The following C12orf42 variants were observed in gnomAD, a reference collection of about 807,000 sequenced individuals.
C12orf42 encodes the protein chromosome 12 open reading frame 42.
Under a neutral mutation model 21.6 loss-of-function variants are expected in C12orf42, and 25 were observed. That is an observed-to-expected ratio of 1.16 (90% CI 0.84 to 1.62). C12orf42 has a LOEUF of 1.62. C12orf42 is among the 40% of genes most tolerant of loss of function. C12orf42 has a pLI of 0.00. For synonymous variants in C12orf42, 174 were observed against 175.0 expected (o/e 0.99, Z 0.05); for missense variants, 483 against 459.3 (o/e 1.05, Z -0.47).
intron 10 of C12orf42, among the ~76,000 whole-genome samples, chr12:103,256,302 C>A: frequency 6.6e-6 from 1 of 150,640 alleles, no homozygotes; most frequent in African/African-American, 2.4e-5. Context: ...ACTTTCCAAT[C>A]TTTTTGAATC....
chr12:103,437,910 G>A (rs1950871416), intron 2 of C12orf42, among the ~76,000 whole-genome samples: 1 of 146,846 alleles, frequency 6.8e-6, no homozygotes, highest in Non-Finnish European at 1.5e-5. Flanking sequence ...ATTTTATGAG[G>A]CCAGCATCAT....
chr12:103,193,266 C>A, the C12orf42 span, among the ~76,000 whole-genome samples: 2 of 150,700 alleles, frequency 1.3e-5, no homozygotes, highest in Non-Finnish European at 1.5e-5. Flanking sequence ...TAGTGATAAG[C>A]ACCTATATTT....
At position 103,485,843 on chromosome 12, in the gene C12orf42, A is replaced by G. The variant is rs185513823; in HGVS notation, c.-21-7396T>C. 3.5e-3 allele frequency among the ~76,000 whole-genome samples: 538 copies of G among 152,314 alleles called. 6 individuals carry two copies. Among genetic ancestry groups the G allele is most frequent in the African/African-American group, 0.012 (504 of 41,570 alleles). ...GTTTTGTATCCTGAGACTTTGCTGA[A>G]GTTGCTTATCAGCTTAAGGAGACTT... On this transcript the variant is annotated intron_variant, in intron 1 of 5. Transcript: ENST00000548883.
At chr12:103,207,471 C>G in the C12orf42 span, among the ~76,000 whole-genome samples, 1 of 152,220 alleles carries the variant, frequency 6.6e-6, no homozygotes, top group African/African-American at 2.4e-5. Context: ...CAGATGTGCT[C>G]ACATTCATGG....
chr12:103,529,998 G>T, the C12orf42 span, among the ~76,000 whole-genome samples: 1 of 152,118 alleles, frequency 6.6e-6, no homozygotes, highest in Non-Finnish European at 1.5e-5. Flanking sequence ...TCTTCATTTT[G>T]CTTTAGTCAA....
the C12orf42 span, among the ~76,000 whole-genome samples, chr12:103,109,788 T>C: frequency 6.6e-6 from 1 of 151,730 alleles, no homozygotes; most frequent in African/African-American, 2.4e-5. Context: ...AATGAAAAGA[T>C]TAAAGACAAT....
intron 4 of C12orf42, among the ~76,000 whole-genome samples, chr12:103,323,526 T>C (rs117422369): frequency 1.3e-5 from 2 of 152,096 alleles, no homozygotes; most frequent in Non-Finnish European, 2.9e-5. Context: ...AATTAGCAGA[T>C]CAAGACTGTG....
chr12:103,197,070 G>A, the C12orf42 span, among the ~76,000 whole-genome samples: 1 of 152,118 alleles, frequency 6.6e-6, no homozygotes, highest in East Asian at 1.9e-4. Context: ...TCATTTCTGT[G>A]TTTAGCATTC....
the C12orf42 span, among the ~76,000 whole-genome samples, chr12:103,052,431 T>C: frequency 5.1e-3 from 775 of 152,272 alleles, 3 homozygotes; most frequent in Non-Finnish European, 8.4e-3. Flanking sequence ...ACTAGTGATG[T>C]TTAATAGCTT....
At chr12:103,065,122 G>T in the C12orf42 span, among the ~76,000 whole-genome samples, 6 of 152,188 alleles carry the variant, frequency 3.9e-5, no homozygotes, top group Admixed American at 1.3e-4. Flanking sequence ...TCCCTGGAGG[G>T]ATTGCAGAGA....
the C12orf42 span, among the ~76,000 whole-genome samples, chr12:103,226,619 G>A: frequency 1.5e-4 from 23 of 152,238 alleles, no homozygotes; most frequent in Middle Eastern, 3.4e-3. Flanking sequence ...GGCTAGTCAC[G>A]GAAAGAAACT....
chr12:103,295,054 GATA>G (rs372597889), intron 4 of C12orf42, among the ~76,000 whole-genome samples: 4 of 152,188 alleles, frequency 2.6e-5, no homozygotes, highest in Non-Finnish European at 5.9e-5. Context: ...GCTTGCTAAG[GATA>G]ATGGCCTCCA....
At chr12:103,444,653 G>A (rs186840801) in intron 2 of C12orf42, among the ~76,000 whole-genome samples, 285 of 152,122 alleles carry the variant, frequency 1.9e-3, no homozygotes, top group Middle Eastern at 3.4e-3. Context: ...TCTGAAAGAT[G>A]TGTCTTGAAA....
the C12orf42 span, among the ~76,000 whole-genome samples, chr12:103,155,908 C>T: frequency 6.6e-6 from 1 of 150,596 alleles, no homozygotes; most frequent in African/African-American, 2.4e-5. Flanking sequence ...TCCTTTGAAA[C>T]AAGTTGTGCC....
the C12orf42 span, among the ~76,000 whole-genome samples, chr12:103,055,097 G>A: frequency 3.7e-3 from 558 of 151,992 alleles, 4 homozygotes; most frequent in Non-Finnish European, 5.7e-3. Context: ...AGTTAGAAAA[G>A]CATTCCTTTC....
At chr12:103,508,224 T>G in the C12orf42 span, among the ~76,000 whole-genome samples, 1 of 152,150 alleles carries the variant, frequency 6.6e-6, no homozygotes, top group African/African-American at 2.4e-5. Flanking sequence ...GGTTAAAACA[T>G]TTAAAGGTTG....
the C12orf42 span, among the ~76,000 whole-genome samples, chr12:103,109,911 G>C: frequency 2.0e-5 from 3 of 152,226 alleles, no homozygotes; most frequent in African/African-American, 7.2e-5. Context: ...AATTCACAGA[G>C]AGGGAGTCAA....
intron 3 of C12orf42, among the ~76,000 whole-genome samples, chr12:103,380,004 C>T (rs1332442104): frequency 2.6e-5 from 4 of 152,098 alleles, no homozygotes; most frequent in Non-Finnish European, 5.9e-5. Context: ...AGATAATTAC[C>T]GTTAGTGAGG....
At chr12:103,146,593 A>AAAGAAAGAAAGG in the C12orf42 span, among the ~76,000 whole-genome samples, 2 of 151,356 alleles carry the variant, frequency 1.3e-5, no homozygotes, top group Non-Finnish European at 2.9e-5. Context: ...AGAAAGAAAG[A>AAAGAAAGAAAGG]AAGAAAGAAA....
Sources: allele counts gnomAD v4.1 joint callset (sites outside exome capture counted in the v4.1 genomes callset), GRCh38; gene constraint gnomAD v4.1.1; transcripts MANE v1.5; gene names NCBI Gene and HGNC (gene_info 2026-07-23, HGNC 2026-07-21).